Variants in GMEB1 observed in about 807,000 individuals in gnomAD.
GMEB1 encodes the protein glucocorticoid modulatory element-binding protein 1.
Under a neutral mutation model 52.4 loss-of-function variants are expected in GMEB1, and 6 were observed. The observed-to-expected ratio is 0.11, with a 90% CI of 0.06 to 0.23. The LOEUF (loss-of-function observed/expected upper bound fraction) is 0.23. GMEB1 is among the 10% of genes least tolerant of loss of function. The pLI is 1.00. For synonymous variants in GMEB1, 255 were observed against 244.9 expected, an observed-to-expected ratio of 1.04 and a Z score of -0.38; for missense variants, 486 against 685.6, an observed-to-expected ratio of 0.71 and a Z score of 3.25.
At chr1:28,696,853 A>G in intron 5 of GMEB1, 74 bp from the exon 6 acceptor site, 6 of 1,183,384 alleles carry the variant, frequency 5.1e-6, no homozygotes, top group Non-Finnish European at 7.2e-6. Context: ...TGTTGTCCCT[A>G]TTTTTCCCTG....
chr1:28,702,406 C>T (rs1414021277), intron 6 of GMEB1, 32 bp from the exon 7 acceptor site: 3 of 1,593,740 alleles, frequency 1.9e-6, no homozygotes, highest in African/African-American at 1.3e-5. Context: ...TCGTTAAATT[C>T]ACTGTTCTCA....
intron 1 of GMEB1, among the ~76,000 whole-genome samples, chr1:28,679,694 T>G (rs1202977080): frequency 6.6e-6 from 1 of 152,116 alleles, no homozygotes; most frequent in Non-Finnish European, 1.5e-5. Flanking sequence ...CTGGCCATAA[T>G]GATGAGCCAT....
intron 2 of GMEB1, among the ~76,000 whole-genome samples, chr1:28,685,432 G>C (rs1669595083): frequency 6.6e-6 from 1 of 151,966 alleles, no homozygotes; most frequent in South Asian, 2.1e-4. Context: ...CTGCACTGCA[G>C]CAGTAGGTGA....
intron 1 of GMEB1, among the ~76,000 whole-genome samples, chr1:28,679,916 C>T (rs767600350): frequency 6.6e-6 from 1 of 152,076 alleles, no homozygotes; most frequent in Non-Finnish European, 1.5e-5. Flanking sequence ...AGCAATTCTC[C>T]TGCCTGAGCC....
chr1:28,677,839 T>C (rs1482164143), intron 1 of GMEB1, among the ~76,000 whole-genome samples: 1 of 152,092 alleles, frequency 6.6e-6, no homozygotes, highest in Non-Finnish European at 1.5e-5. Context: ...TATTTTATCT[T>C]ATTTTATTTT....
At chr1:28,687,385 C>CAAAAA (rs1489651109) in intron 2 of GMEB1, among the ~76,000 whole-genome samples, 2 of 38,172 alleles carry the variant, frequency 5.2e-5, no homozygotes, top group African/African-American at 2.0e-4. Flanking sequence ...CACACACACA[C>CAAAAA]ACAAAAAAAG....
intron 3 of GMEB1, 37 bp from the exon 4 acceptor site, chr1:28,691,548 T>C (rs1388794524): frequency 4.2e-6 from 6 of 1,444,350 alleles, no homozygotes; most frequent in Non-Finnish European, 9.4e-7. Context: ...TGGGGAAGAG[T>C]TGTTTGATAA....
chr1:28,714,695 T>C lies in GMEB1; in HGVS notation c.1614T>C (p.Thr538=), dbSNP rs1416050305. Residue 538 remains threonine (T), a synonymous_variant, in exon 10 of 10, where the codon ACT becomes ACC. Coordinates refer to ENST00000373816, the MANE Select transcript of GMEB1 (RefSeq NM_001319674.2). ...KAVILETELR[T]EEKVVAEMEE... The stretch of plus-strand genomic sequence containing the variant: ...TCATCTTGGAGACAGAGCTGAGGAC[T>C]GAGGAGAAAGTTGTGGCTGAGATGG... The C allele has an allele frequency of 1.9e-6, 3 of 1,614,132 alleles. No individual in the cohort carries two copies. Among genetic ancestry groups the C allele is most frequent in the Middle Eastern group, 1.7e-4 (1 of 6,060 alleles).
chr1:28,703,888 G>T (rs1373449627), intron 7 of GMEB1, among the ~76,000 whole-genome samples: 1 of 151,834 alleles, frequency 6.6e-6, no homozygotes, highest in Non-Finnish European at 1.5e-5. Flanking sequence ...TGTTAAATAT[G>T]TTTAATGTTT....
chr1:28,706,359 C>A (rs1670765171), intron 8 of GMEB1, among the ~76,000 whole-genome samples: 1 of 151,996 alleles, frequency 6.6e-6, no homozygotes, highest in Non-Finnish European at 1.5e-5. Context: ...AATCCCAGCA[C>A]TTTGGGAGGC....
At chr1:28,711,346 T>C (rs1446121034) in intron 9 of GMEB1, among the ~76,000 whole-genome samples, 3 of 151,776 alleles carry the variant, frequency 2.0e-5, no homozygotes, top group African/African-American at 7.3e-5. Flanking sequence ...TTGTTAGAAA[T>C]ACAGGCTTTT....
intron 8 of GMEB1, among the ~76,000 whole-genome samples, chr1:28,705,427 G>A (rs1278448858): frequency 2.7e-5 from 4 of 148,924 alleles, no homozygotes; most frequent in Non-Finnish European, 1.5e-5. Context: ...ATCCTCTCTC[G>A]CGCGATATAT....
chr1:28,674,708 C>CTTTTTTTTT (rs34267851), intron 1 of GMEB1, among the ~76,000 whole-genome samples: 2 of 49,118 alleles, frequency 4.1e-5, no homozygotes, highest in African/African-American at 1.7e-4. Flanking sequence ...ATAGTTAATT[C>CTTTTTTTTT]TTTTTTTTTT....
chr1:28,679,963 G>A lies in GMEB1; in HGVS notation c.-30-3620G>A, dbSNP rs996745523. 4.6e-5 allele frequency among the ~76,000 whole-genome samples: 7 copies of A among 152,118 alleles called. No homozygotes were observed. The East Asian group carries it at 7.8e-4, about 17-fold the overall frequency. On this transcript the variant is annotated intron_variant, in intron 1 of 9. Coordinates refer to ENST00000373816, the MANE Select transcript of GMEB1 (RefSeq NM_001319674.2). ...TGGGATTATAGGCAAGCGCCACCAC[G>A]CCTGGCTAATTGTTTTGTATTTTTA...
At chr1:28,675,830 CAA>C (rs1557495484) in intron 1 of GMEB1, among the ~76,000 whole-genome samples, 1 of 152,242 alleles carries the variant, frequency 6.6e-6, no homozygotes, top group East Asian at 1.9e-4. Context: ...TTGCTGTAAA[CAA>C]GAGCTACTTT....
At chr1:28,682,205 G>A (rs193011471) in intron 1 of GMEB1, among the ~76,000 whole-genome samples, 5 of 152,210 alleles carry the variant, frequency 3.3e-5, no homozygotes, top group Middle Eastern at 3.4e-3. Context: ...CATTAAGATT[G>A]GGACAATGCT....
chr1:28,689,513 C>T (rs943219949), intron 2 of GMEB1, among the ~76,000 whole-genome samples: 3 of 152,122 alleles, frequency 2.0e-5, no homozygotes, highest in Non-Finnish European at 4.4e-5. Context: ...CCTGTAGTCC[C>T]AGCTACTCGG....
Position 28,702,556 on chromosome 1 carries a change from A to T in GMEB1, c.717A>T (p.Ser239=). 1 of 1,613,478 alleles carries T rather than the reference A, an allele frequency of 6.2e-7. No homozygotes were observed. The highest frequency in any genetic ancestry group is 8.5e-7 in the Non-Finnish European group (1 of 1,179,606). Residue 239 remains serine (S), a synonymous_variant, in exon 7 of 10, where the codon TCA becomes TCT. Coordinates refer to ENST00000373816, the MANE Select transcript of GMEB1 (RefSeq NM_001319674.2). ...MATEEGVKKD[S]EEISEDTLMF... is the part of the protein sequence containing the mutation. Reference sequence around the variant, plus strand: ...CGGAGGAGGGTGTAAAGAAAGACTCAGAGGAAATTTCAGGTATTCTTCTAT... The same window carrying T: ...CGGAGGAGGGTGTAAAGAAAGACTCTGAGGAAATTTCAGGTATTCTTCTAT...
intron 1 of GMEB1, among the ~76,000 whole-genome samples, chr1:28,677,399 G>A (rs531988559): frequency 2.8e-4 from 43 of 152,184 alleles, no homozygotes; most frequent in Middle Eastern, 3.4e-3. Flanking sequence ...GGGTTTCCCC[G>A]TGTTAGCCAG....
Sources: allele counts gnomAD v4.1 joint callset (sites outside exome capture counted in the v4.1 genomes callset), GRCh38; gene constraint gnomAD v4.1.1; transcripts MANE v1.5; gene names NCBI Gene and HGNC (gene_info 2026-07-23, HGNC 2026-07-21).